The following RANBP9 variants were observed in gnomAD, a reference collection of about 807,000 sequenced individuals.
RANBP9 encodes RAN binding protein 9.
RANBP9 carries 15 observed loss-of-function variants against 84.3 expected under a neutral mutation model. That is an observed-to-expected ratio of 0.18 (90% CI 0.12 to 0.27). The LOEUF (loss-of-function observed/expected upper bound fraction) is 0.27, where lower values mean the gene tolerates loss of function less well. Among genes scored for constraint, RANBP9 ranks in the 10% least tolerant of loss-of-function variants. The probability of loss-of-function intolerance (pLI) is 1.00; values close to 1 mark genes in which losing one functional copy is unlikely to be tolerated. For missense variants in RANBP9, 809 were observed against 912.8 expected (o/e 0.89, Z 1.46); for synonymous variants, 392 against 349.6 (o/e 1.12, Z -1.35).
chr6:13,641,708 T>C (rs1361770490), intron 7 of RANBP9, among the ~76,000 whole-genome samples: 1 of 152,176 alleles, frequency 6.6e-6, no homozygotes, highest in African/African-American at 2.4e-5. Flanking sequence ...CAGAGACTCG[T>C]TGAGCATTCA....
At position 13,632,379 on chromosome 6, in the gene RANBP9, T is replaced by G; in HGVS notation, c.1938A>C (p.Lys646Asn). ...GAAAAAATATATTCACCTTCAACAT[T>G]TTTTTGTTTGCAGTGTTCTTGCCAC... Reference protein sequence around the residue: ...RDCGKNTANKKMLKDAFSLLA... With the variant: ...RDCGKNTANKNMLKDAFSLLA... The change falls in exon 12 of 14, where the codon AAA becomes AAC. Residue 646 changes from lysine (K) to asparagine (N), a missense_variant. Around this residue, in one of 5 missense-constraint regions of RANBP9, gnomAD observed 233 missense variants for 234.4 expected, o/e 0.99. Coordinates refer to ENST00000011619, the MANE Select transcript of RANBP9 (RefSeq NM_005493.3). 1 of 1,607,272 alleles carries G rather than the reference T, an allele frequency of 6.2e-7. No individual in the cohort carries two copies. The highest frequency in any genetic ancestry group is 8.5e-7 in the Non-Finnish European group (1 of 1,178,012).
chr6:13,671,240 G>A (rs754734336), intron 2 of RANBP9, among the ~76,000 whole-genome samples: 9 of 152,110 alleles, frequency 5.9e-5, no homozygotes, highest in Admixed American at 3.3e-4. Flanking sequence ...TTGGAAAACC[G>A]TCTGGCAGCT....
chr6:13,637,758 C>T (rs1764974581), intron 10 of RANBP9, 50 bp downstream of exon 10: 2 of 1,468,822 alleles, frequency 1.4e-6, no homozygotes, highest in Admixed American at 2.3e-5. Context: ...AACGATTACA[C>T]CTATAACTAG....
At position 13,644,535 on chromosome 6, in the gene RANBP9, T is replaced by A. The variant is rs369865508; in HGVS notation, c.1112+10A>T. On this transcript the variant is annotated intron_variant, in intron 6 of 13. Coordinates refer to ENST00000011619, the MANE Select transcript of RANBP9 (RefSeq NM_005493.3). Reference sequence around the variant, plus strand: ...CTGAATAGCATCAATTGAAATTTCTTCACTCTTACTTTTGTATCATGGTCT... The same window carrying A: ...CTGAATAGCATCAATTGAAATTTCTACACTCTTACTTTTGTATCATGGTCT... 2.5e-6 allele frequency: 4 copies of A among 1,604,196 alleles called. No individual in the cohort carries two copies. The African/African-American group carries it at 5.4e-5, about 22-fold the overall frequency.
intron 2 of RANBP9, among the ~76,000 whole-genome samples, chr6:13,686,341 A>G (rs538206860): frequency 2.0e-5 from 3 of 152,018 alleles, no homozygotes; most frequent in African/African-American, 7.2e-5. Context: ...GCTGGAGTGC[A>G]GCGGCGCGAT....
At position 13,625,744 on chromosome 6, in the gene RANBP9, T is replaced by A; in HGVS notation, c.1968A>T (p.Ala656=). The change falls in exon 13 of 14, where the codon GCA becomes GCT. Residue 656 remains alanine, a synonymous_variant. Coordinates refer to ENST00000011619, the MANE Select transcript of RANBP9 (RefSeq NM_005493.3). ...KMLKDAFSLL[A]YSDPWNSPVG... ...CTGGGCTGTTCCAGGGATCTGAATA[T>A]GCTAGTAGACTGAATGCATCCTGTT... 6.2e-7 allele frequency: 1 copy of A among 1,610,086 alleles called. No individual in the cohort carries two copies. The highest frequency in any genetic ancestry group is 1.1e-5 in the South Asian group (1 of 90,996).
intron 2 of RANBP9, among the ~76,000 whole-genome samples, chr6:13,667,351 C>A (rs755373355): frequency 4.6e-5 from 7 of 151,964 alleles, no homozygotes; most frequent in Non-Finnish European, 1.0e-4. Context: ...TTCTGCTATA[C>A]CTTTTGGCAG....
At chr6:13,654,545 T>C (rs1045066543) in intron 4 of RANBP9, among the ~76,000 whole-genome samples, 2 of 152,172 alleles carry the variant, frequency 1.3e-5, no homozygotes, top group African/African-American at 4.8e-5. Context: ...TATAAGGGAA[T>C]AGTAACTAAA....
rs1021562793 is a variant in RANBP9, at chr6:13,704,414, G to A, written c.571+6521C>T. Among the ~76,000 whole-genome samples the A allele has an allele frequency of 3.3e-5, 5 of 152,198 alleles. No individual in the cohort carries two copies. In the East Asian group the frequency reaches 9.7e-4, roughly 29 times the overall value. On this transcript the variant is annotated intron_variant, in intron 1 of 13. Transcript: ENST00000011619. The stretch of plus-strand genomic sequence containing the variant: ...AGGCTAAGGCAGGCAGATGGCTTGA[G>A]CTCAGGAATTCGAGACCAGCCTGGG...
At position 13,711,610 on chromosome 6, in the gene RANBP9, G is replaced by A; in HGVS notation, c.-105C>T. 1 of 1,087,466 alleles carries A rather than the reference G, an allele frequency of 9.2e-7. No individual in the cohort carries two copies. Among genetic ancestry groups the A allele is most frequent in the Non-Finnish European group, 1.1e-6 (1 of 872,486 alleles). The allele number at this position is 1,087,466 out of a possible 1,614,324, so 67.4% of individuals were successfully genotyped here. ...GCCGCCGGCACCAGGCGCCCAGTCCGCCCGCCCCGGAAGCAGGCGGCGGGC... is the reference window on the plus strand; with the variant it reads ...GCCGCCGGCACCAGGCGCCCAGTCCACCCGCCCCGGAAGCAGGCGGCGGGC... On this transcript the variant is annotated 5_prime_UTR_variant, in exon 1 of 14. Transcript: ENST00000011619.
At chr6:13,635,463 A>G (rs571469083) in intron 10 of RANBP9, among the ~76,000 whole-genome samples, 2 of 152,192 alleles carry the variant, frequency 1.3e-5, no homozygotes, top group South Asian at 2.1e-4. Flanking sequence ...TAAAAATGAC[A>G]TTTCTCATTA....
intron 7 of RANBP9, among the ~76,000 whole-genome samples, chr6:13,641,561 C>T (rs184033951): frequency 6.6e-6 from 1 of 151,882 alleles, no homozygotes; most frequent in African/African-American, 2.4e-5. Flanking sequence ...AGTTAAAATA[C>T]CTATTATGCA....
intron 1 of RANBP9, among the ~76,000 whole-genome samples, chr6:13,702,227 G>A (rs1214867831): frequency 6.6e-6 from 1 of 152,148 alleles, no homozygotes; most frequent in Non-Finnish European, 1.5e-5. Context: ...TGGATCACTT[G>A]AGGTCAGGAG....
At chr6:13,698,748 A>G (rs1757898874) in intron 1 of RANBP9, among the ~76,000 whole-genome samples, 2 of 152,328 alleles carry the variant, frequency 1.3e-5, no homozygotes, top group South Asian at 2.1e-4. Flanking sequence ...GGTACTATCT[A>G]TTATCATTTC....
At chr6:13,684,447 C>A (rs150348017) in intron 2 of RANBP9, among the ~76,000 whole-genome samples, 1,760 of 152,348 alleles carry the variant, frequency 0.012, 30 homozygotes, top group African/African-American at 0.04. Context: ...TTCCCTCACC[C>A]GTAACCTCAA....
intron 9 of RANBP9, 71 bp from the exon 10 acceptor site, chr6:13,638,026 C>CATGT (rs1764982431): frequency 7.2e-6 from 10 of 1,392,026 alleles, no homozygotes; most frequent in Non-Finnish European, 9.6e-6. Context: ...AACAAGTCTC[C>CATGT]ATGTTGATTT....
intron 2 of RANBP9, among the ~76,000 whole-genome samples, chr6:13,684,601 A>G (rs1299527506): frequency 6.6e-6 from 1 of 152,242 alleles, no homozygotes; most frequent in East Asian, 1.9e-4. Flanking sequence ...TTGTGGTTTT[A>G]AATCTCACAG....
intron 10 of RANBP9, among the ~76,000 whole-genome samples, chr6:13,635,618 TA>T (rs75512821): frequency 0.017 from 2,260 of 129,630 alleles, 49 homozygotes; most frequent in African/African-American, 0.054. Flanking sequence ...ATTGTTAAGG[TA>T]AAAAAAAAAA....
chr6:13,641,706 CG>C (rs1765068249), intron 7 of RANBP9, among the ~76,000 whole-genome samples: 1 of 152,064 alleles, frequency 6.6e-6, no homozygotes, highest in African/African-American at 2.4e-5. Flanking sequence ...AACAGAGACT[CG>C]TTGAGCATTC....
Sources: allele counts gnomAD v4.1 joint callset (sites outside exome capture counted in the v4.1 genomes callset), GRCh38; gene constraint gnomAD v4.1.1; regional missense constraint gnomAD v4.1.1; transcripts MANE v1.5; gene names NCBI Gene and HGNC (gene_info 2026-07-23, HGNC 2026-07-21).